FAM204A: variants seen among roughly 807,000 people sequenced by gnomAD.
FAM204A encodes the protein protein FAM204A.
FAM204A carries 16 observed loss-of-function variants against 35.4 expected under a neutral mutation model. That is an observed-to-expected ratio of 0.45 (90% CI 0.31 to 0.69). FAM204A has a LOEUF of 0.69. Ranked by LOEUF, FAM204A falls within the 30% of genes least tolerant of loss-of-function variation. FAM204A has a pLI of 0.07. For synonymous variants in FAM204A, 76 were observed against 86.9 expected, an observed-to-expected ratio of 0.88 and a Z score of 0.70; for missense variants, 240 against 265.7, an observed-to-expected ratio of 0.90 and a Z score of 0.67.
At chr10:118,336,624 AAGTT>A (rs1846393009) in intron 2 of FAM204A, among the ~76,000 whole-genome samples, 1 of 152,132 alleles carries the variant, frequency 6.6e-6, no homozygotes, top group African/African-American at 2.4e-5. Flanking sequence ...AGTAAAAAAA[AAGTT>A]TAGAAGTTTA....
intron 7 of FAM204A, among the ~76,000 whole-genome samples, chr10:118,314,478 T>A (rs796202164): frequency 3.3e-5 from 5 of 152,342 alleles, no homozygotes; most frequent in African/African-American, 1.2e-4. Flanking sequence ...AGACCTTCTA[T>A]GAAAGAGGCA....
At chr10:118,322,971 G>A (rs563126688) in intron 7 of FAM204A, among the ~76,000 whole-genome samples, 1 of 152,210 alleles carries the variant, frequency 6.6e-6, no homozygotes, top group South Asian at 2.1e-4. Context: ...GGACAGTTGT[G>A]CACGGATCAC....
chr10:118,308,371 G>C lies in FAM204A; in HGVS notation c.*2486C>G, dbSNP rs932951811. On this transcript the variant is annotated 3_prime_UTR_variant, in exon 9 of 9. Transcript: ENST00000369183. ...TCCTTATTTTGCTGTGACTAGAATG[G>C]AGTGGACAAATGACTACATCCTTTG... is the stretch of plus-strand genomic sequence containing the variant. 3 of 152,174 alleles carry C rather than the reference G, an allele frequency of 2.0e-5. No homozygotes were observed. Among genetic ancestry groups the C allele is most frequent in the African/African-American group, 7.2e-5 (3 of 41,454 alleles). 9.4% of individuals were successfully genotyped at this position (152,174 alleles called of 1,614,324 possible).
At chr10:118,312,863 G>A (rs1281185723) in intron 7 of FAM204A, among the ~76,000 whole-genome samples, 2 of 152,198 alleles carry the variant, frequency 1.3e-5, no homozygotes, top group Non-Finnish European at 2.9e-5. Flanking sequence ...GCTGGAGGTA[G>A]AGCATTGAGT....
chr10:118,301,956 A>C lies in FAM204A; in HGVS notation c.*8901T>G, dbSNP rs184895108. On this transcript the variant is annotated 3_prime_UTR_variant, in exon 9 of 9. Coordinates refer to ENST00000369183, the MANE Select transcript of FAM204A (RefSeq NM_022063.3). Reference sequence around the variant, plus strand: ...ACCTGCCTCCGTCCTTTTTCTCCAAAGTTTATCACCATATGAGAGTCCAGT... The same window carrying C: ...ACCTGCCTCCGTCCTTTTTCTCCAACGTTTATCACCATATGAGAGTCCAGT... 6.5e-6 allele frequency: 1 copy of C among 152,714 alleles called. No homozygotes were observed. The highest frequency in any genetic ancestry group is 2.4e-5 in the African/African-American group (1 of 41,568). The allele number at this position is 152,714 out of a possible 1,614,324, so 9.5% of individuals were successfully genotyped here. A position where few individuals can be genotyped will look rare whatever the true frequency, so the allele number is the denominator to read the frequency against.
At chr10:118,327,575 C>A (rs1846218452) in intron 6 of FAM204A, among the ~76,000 whole-genome samples, 1 of 152,122 alleles carries the variant, frequency 6.6e-6, no homozygotes, top group South Asian at 2.1e-4. Flanking sequence ...CCAGAAACAT[C>A]CCTTTCTTCC....
rs188729688 is a variant in FAM204A, at chr10:118,320,818, G to A, written c.543+5336C>T. Among the ~76,000 whole-genome samples, 20 of 151,588 alleles carry A rather than the reference G, an allele frequency of 1.3e-4. No homozygotes were observed. In the East Asian group the frequency reaches 2.7e-3, roughly 21 times the overall value. The stretch of plus-strand genomic sequence containing the variant: ...CATTAATTTAAGGGAGTATGATTCC[G>A]GAAAACTATGTTCTTGCTGTATCAC... On this transcript the variant is annotated intron_variant, in intron 7 of 8. Coordinates refer to ENST00000369183, the MANE Select transcript of FAM204A (RefSeq NM_022063.3).
intron 7 of FAM204A, among the ~76,000 whole-genome samples, chr10:118,325,697 AG>A (rs1846187738): frequency 1.3e-5 from 2 of 152,164 alleles, no homozygotes; most frequent in South Asian, 4.1e-4. Context: ...ATAGAAAAAA[AG>A]AAAAAAGACC....
chr10:118,324,535 T>C (rs1031536833), intron 7 of FAM204A, among the ~76,000 whole-genome samples: 1 of 152,180 alleles, frequency 6.6e-6, no homozygotes, highest in Non-Finnish European at 1.5e-5. Context: ...TGACACATGC[T>C]GCAGCAACAT....
rs1845827889 is a variant in FAM204A at position 118,303,206 on chromosome 10, G to A, written c.*7651C>T. ...GCTTTCTTAGAGGAATAGTGCAAGA[G>A]CACTGTATGGGAAGAGTAATGAAAG... is the stretch of plus-strand genomic sequence containing the variant. On this transcript the variant is annotated 3_prime_UTR_variant, in exon 9 of 9. Coordinates refer to ENST00000369183, the MANE Select transcript of FAM204A (RefSeq NM_022063.3). 6.6e-6 allele frequency: 1 copy of A among 152,206 alleles called. No homozygotes were observed. Among genetic ancestry groups the A allele is most frequent in the Non-Finnish European group, 1.5e-5 (1 of 68,054 alleles). 9.4% of individuals were successfully genotyped at this position (152,206 alleles called of 1,614,324 possible). A position where few individuals can be genotyped will look rare whatever the true frequency, so the allele number is the denominator to read the frequency against.
intron 2 of FAM204A, among the ~76,000 whole-genome samples, chr10:118,341,023 AT>A (rs2133298617): frequency 6.6e-6 from 1 of 152,296 alleles, no homozygotes; most frequent in African/African-American, 2.4e-5. Flanking sequence ...TTGGTTAAGA[AT>A]TTTTTTCTGT....
In FAM204A at chr10:118,306,722, A is replaced by G. The variant is rs1263468459; in HGVS notation, c.*4135T>C. On this transcript the variant is annotated 3_prime_UTR_variant, in exon 9 of 9. Coordinates refer to ENST00000369183, the MANE Select transcript of FAM204A (RefSeq NM_022063.3). ...GAGTAGGAGATAATAAAGAGACAAC[A>G]CACCTCATTTTAACAGTAGCACAAA... 1 of 152,198 alleles carries G rather than the reference A, an allele frequency of 6.6e-6. No homozygotes were observed. The highest frequency in any genetic ancestry group is 1.5e-5 in the Non-Finnish European group (1 of 68,038). 9.4% of individuals were successfully genotyped at this position (152,198 alleles called of 1,614,324 possible).
intron 6 of FAM204A, among the ~76,000 whole-genome samples, chr10:118,333,920 T>C (rs114287887): frequency 6.2e-4 from 95 of 152,304 alleles, no homozygotes; most frequent in Middle Eastern, 3.4e-3. Context: ...CAAAGGTCTC[T>C]AGGTACACAC....
intron 7 of FAM204A, among the ~76,000 whole-genome samples, chr10:118,317,426 G>A (rs895544692): frequency 2.0e-5 from 3 of 151,876 alleles, no homozygotes; most frequent in African/African-American, 7.3e-5. Context: ...TTTAAGGTTA[G>A]TTAAAAGCAC....
At position 118,307,606 on chromosome 10, in the gene FAM204A, C is replaced by T. The variant is rs901772493; in HGVS notation, c.*3251G>A. 1.2e-4 allele frequency: 18 copies of T among 152,130 alleles called. No individual in the cohort carries two copies. Among genetic ancestry groups the T allele is most frequent in the African/African-American group, 4.3e-4 (18 of 41,426 alleles). The allele number at this position is 152,130 out of a possible 1,614,324, so 9.4% of individuals were successfully genotyped here. A position where few individuals can be genotyped will look rare whatever the true frequency, so the allele number is the denominator to read the frequency against. On this transcript the variant is annotated 3_prime_UTR_variant, in exon 9 of 9. Transcript: ENST00000369183. ...ATTTTGTTTAAACAACAACCTCATACAATATGTTTTATATTTAGCAAGACA... is the reference window on the plus strand; with the variant it reads ...ATTTTGTTTAAACAACAACCTCATATAATATGTTTTATATTTAGCAAGACA...
chr10:118,310,199 C>A lies in FAM204A; in HGVS notation c.*658G>T, dbSNP rs1489909267. The A allele has an allele frequency of 6.6e-6, 1 of 151,810 alleles. No homozygotes were observed. The highest frequency in any genetic ancestry group is 2.4e-5 in the African/African-American group (1 of 41,270). The allele number at this position is 151,810 out of a possible 1,614,324, so 9.4% of individuals were successfully genotyped here. A position where few individuals can be genotyped will look rare whatever the true frequency, so the allele number is the denominator to read the frequency against. On this transcript the variant is annotated 3_prime_UTR_variant, in exon 9 of 9. Transcript: ENST00000369183. Reference sequence around the variant, plus strand: ...TACAGATAAGAAAATACAAGGGCAGCATGGTAGCTCATGTCTGTACTCCCA... The same window carrying A: ...TACAGATAAGAAAATACAAGGGCAGAATGGTAGCTCATGTCTGTACTCCCA...
At chr10:118,323,552 C>T (rs1172962412) in intron 7 of FAM204A, among the ~76,000 whole-genome samples, 1 of 152,040 alleles carries the variant, frequency 6.6e-6, no homozygotes, top group Non-Finnish European at 1.5e-5. Context: ...GTTACTGCTG[C>T]CTTGTGTGCT....
In FAM204A at chr10:118,310,755, G is replaced by C; in HGVS notation, c.*102C>G. ...AATCCCAAATTTTATGCTTATTTTT[G>C]TTTTAGTGCTATCAATTTTCTGACA... On this transcript the variant is annotated 3_prime_UTR_variant, in exon 9 of 9. Coordinates refer to ENST00000369183, the MANE Select transcript of FAM204A (RefSeq NM_022063.3). The C allele has an allele frequency of 1.0e-6, 1 of 974,556 alleles. No individual in the cohort carries two copies. Among genetic ancestry groups the C allele is most frequent in the Non-Finnish European group, 1.6e-6 (1 of 636,676 alleles). The allele number at this position is 974,556 out of a possible 1,614,324, so 60.4% of individuals were successfully genotyped here. A position where few individuals can be genotyped will look rare whatever the true frequency, so the allele number is the denominator to read the frequency against.
intron 2 of FAM204A, 109 bp from the exon 3 acceptor site, chr10:118,336,532 A>G: frequency 2.9e-6 from 3 of 1,019,616 alleles, no homozygotes; most frequent in Non-Finnish European, 4.0e-6. Flanking sequence ...GTTTGGGAAC[A>G]GTCCATCTAA....
Sources: allele counts gnomAD v4.1 joint callset (sites outside exome capture counted in the v4.1 genomes callset), GRCh38; gene constraint gnomAD v4.1.1; transcripts MANE v1.5; gene names NCBI Gene and HGNC (gene_info 2026-07-23, HGNC 2026-07-21).